Variants in FBXL4 observed in about 807,000 individuals in gnomAD.
The protein encoded by FBXL4 is F-box and leucine rich repeat protein 4.
Under a neutral mutation model 58.9 loss-of-function variants are expected in FBXL4, and 40 were observed. That is an observed-to-expected ratio of 0.68 (90% CI 0.53 to 0.88). The LOEUF (loss-of-function observed/expected upper bound fraction) is 0.88. FBXL4 is among the 40% of genes least tolerant of loss of function. The pLI is 0.00. For synonymous variants in FBXL4, 263 were observed against 265.5 expected, an observed-to-expected ratio of 0.99 and a Z score of 0.09; for missense variants, 676 against 734.4, an observed-to-expected ratio of 0.92 and a Z score of 0.92.
chr6:98,904,051 C>A (rs948130886), intron 6 of FBXL4, among the ~76,000 whole-genome samples: 8 of 152,174 alleles, frequency 5.3e-5, no homozygotes, highest in African/African-American at 1.2e-4. Flanking sequence ...AATTAAAATA[C>A]CCTAATGGTC....
In FBXL4 at chr6:98,868,590, A is replaced by C. The variant is rs1265387016; in HGVS notation, c.*5688T>G. 6.6e-6 allele frequency: 1 copy of C among 152,148 alleles called. No individual in the cohort carries two copies. Among genetic ancestry groups the C allele is most frequent in the Non-Finnish European group, 1.5e-5 (1 of 68,026 alleles). The allele number at this position is 152,148 out of a possible 1,614,324, so 9.4% of individuals were successfully genotyped here. A position where few individuals can be genotyped will look rare whatever the true frequency, so the allele number is the denominator to read the frequency against. Reference sequence around the variant, plus strand: ...CTAAAGTACAGAATACAAACAACAGAAATCATTAGATATTGAACAGCATTT... The same window carrying C: ...CTAAAGTACAGAATACAAACAACAGCAATCATTAGATATTGAACAGCATTT... On this transcript the variant is annotated 3_prime_UTR_variant, in exon 10 of 10. Coordinates refer to ENST00000369244, the MANE Select transcript of FBXL4 (RefSeq NM_001278716.2).
chr6:98,945,016 T>A (rs1263003868), intron 1 of FBXL4, among the ~76,000 whole-genome samples: 4 of 152,202 alleles, frequency 2.6e-5, no homozygotes, highest in Admixed American at 2.0e-4. Context: ...TCCTTGACAA[T>A]TCTTGGCAAT....
At chr6:98,888,921 C>T (rs1771128463) in intron 7 of FBXL4, among the ~76,000 whole-genome samples, 1 of 152,188 alleles carries the variant, frequency 6.6e-6, no homozygotes, top group Non-Finnish European at 1.5e-5. Flanking sequence ...TCAGCAGCTT[C>T]AAAACCCAAT....
At chr6:98,925,211 C>G in intron 4 of FBXL4, among the ~76,000 whole-genome samples, 1 of 152,244 alleles carries the variant, frequency 6.6e-6, no homozygotes, top group African/African-American at 2.4e-5. Context: ...TAACATTTTT[C>G]ACCTATTAAA....
At chr6:98,910,458 A>G (rs1383034472) in intron 5 of FBXL4, among the ~76,000 whole-genome samples, 1 of 151,682 alleles carries the variant, frequency 6.6e-6, no homozygotes, top group Admixed American at 6.5e-5. Context: ...TCGAGACAAT[A>G]CTGGCTAACA....
At chr6:98,911,616 G>C (rs1772074559) in intron 5 of FBXL4, among the ~76,000 whole-genome samples, 1 of 152,208 alleles carries the variant, frequency 6.6e-6, no homozygotes, top group South Asian at 2.1e-4. Flanking sequence ...CTGCAGCTGA[G>C]GGTCCTGTCT....
rs962676565 is a variant in FBXL4, at chr6:98,874,120, C to T, written c.*158G>A. 6 of 523,440 alleles carry T rather than the reference C, an allele frequency of 1.1e-5. No individual in the cohort carries two copies. The highest frequency in any genetic ancestry group is 4.0e-5 in the Admixed American group (1 of 24,974). 32.4% of individuals were successfully genotyped at this position (523,440 alleles called of 1,614,324 possible). A position where few individuals can be genotyped will look rare whatever the true frequency, so the allele number is the denominator to read the frequency against. On this transcript the variant is annotated 3_prime_UTR_variant, in exon 10 of 10. Transcript: ENST00000369244. ...AGTATTTTATGAAAACATTTGTGCACATTTTTACTTGATTTAATGGACAAT... is the reference window on the plus strand; with the variant it reads ...AGTATTTTATGAAAACATTTGTGCATATTTTTACTTGATTTAATGGACAAT...
intron 8 of FBXL4, among the ~76,000 whole-genome samples, chr6:98,877,599 T>A (rs1770703544): frequency 6.6e-6 from 1 of 152,188 alleles, no homozygotes; most frequent in Admixed American, 6.5e-5. Context: ...ATTTTAGATA[T>A]TATGCAGGAC....
chr6:98,932,759 A>G (rs1482125345), intron 2 of FBXL4, among the ~76,000 whole-genome samples: 3 of 152,206 alleles, frequency 2.0e-5, no homozygotes, highest in African/African-American at 4.8e-5. Flanking sequence ...TTAAAACTCA[A>G]AAGAGGATTA....
At chr6:98,945,796 C>G (rs983664943) in intron 1 of FBXL4, among the ~76,000 whole-genome samples, 1 of 152,148 alleles carries the variant, frequency 6.6e-6, no homozygotes, top group East Asian at 1.9e-4. Context: ...ACTACAGTTA[C>G]TATGACACGG....
chr6:98,896,820 A>C (rs1771427022), intron 7 of FBXL4: 3 of 981,422 alleles, frequency 3.1e-6, no homozygotes, highest in Non-Finnish European at 3.6e-6. Flanking sequence ...AGCTTATGCT[A>C]TCTAGACCTA....
At chr6:98,912,699 C>A (rs1772142264) in intron 5 of FBXL4, among the ~76,000 whole-genome samples, 1 of 152,010 alleles carries the variant, frequency 6.6e-6, no homozygotes. Context: ...AAAGGCACAA[C>A]CGGTACCAGC....
At position 98,869,142 on chromosome 6, in the gene FBXL4, A is replaced by C. The variant is rs955068016; in HGVS notation, c.*5136T>G. 6.6e-6 allele frequency: 1 copy of C among 152,236 alleles called. No homozygotes were observed. The highest frequency in any genetic ancestry group is 1.5e-5 in the Non-Finnish European group (1 of 68,042). The allele number at this position is 152,236 out of a possible 1,614,324, so 9.4% of individuals were successfully genotyped here. Reference sequence around the variant, plus strand: ...AAAAGCAAATGAGGTGATGATTGGCAGTTAATGGTCATTGACAAGATTTTA... The same window carrying C: ...AAAAGCAAATGAGGTGATGATTGGCCGTTAATGGTCATTGACAAGATTTTA... On this transcript the variant is annotated 3_prime_UTR_variant, in exon 10 of 10. Transcript: ENST00000369244.
Position 98,905,301 on chromosome 6 carries a change from T to C in FBXL4, c.1103+125A>G, listed in dbSNP as rs1771756927. ...CATTCTAAACATGACACTCAAAATA[T>C]ATTTCCTTTTTATTTTTGTAAGTAC... On this transcript the variant is annotated intron_variant, in intron 6 of 9. Transcript: ENST00000369244. 3.5e-6 allele frequency: 4 copies of C among 1,157,320 alleles called. 1 individual carries two copies. In the South Asian group the frequency reaches 6.3e-5, roughly 18 times the overall value. The allele number at this position is 1,157,320 out of a possible 1,614,324, so 71.7% of individuals were successfully genotyped here.
intron 7 of FBXL4, among the ~76,000 whole-genome samples, chr6:98,881,547 GA>G (rs973486433): frequency 6.6e-6 from 1 of 151,994 alleles, no homozygotes; most frequent in African/African-American, 2.4e-5. Flanking sequence ...TCAGTTGAGG[GA>G]AAGGTGAAGA....
At chr6:98,947,257 A>G (rs1277727579) in intron 1 of FBXL4, among the ~76,000 whole-genome samples, 1 of 152,278 alleles carries the variant, frequency 6.6e-6, no homozygotes, top group South Asian at 2.1e-4. Flanking sequence ...GAGGCCAAGT[A>G]GATGGTCATC....
At chr6:98,932,581 A>G (rs1305437809) in intron 2 of FBXL4, among the ~76,000 whole-genome samples, 1 of 152,328 alleles carries the variant, frequency 6.6e-6, no homozygotes, top group African/African-American at 2.4e-5. Flanking sequence ...TGAGGCGGAG[A>G]GAAGCAGGAT....
intron 5 of FBXL4, 21 bp downstream of exon 5, chr6:98,917,353 T>C: frequency 1.3e-6 from 2 of 1,518,628 alleles, no homozygotes; most frequent in Non-Finnish European, 1.8e-6. Flanking sequence ...CCAATACTGC[T>C]GCTAAATATT....
intron 4 of FBXL4, among the ~76,000 whole-genome samples, chr6:98,923,140 T>C (rs1424788866): frequency 6.6e-6 from 1 of 152,146 alleles, no homozygotes; most frequent in Non-Finnish European, 1.5e-5. Flanking sequence ...AAAGTCTGGC[T>C]GGTGCAGGAG....
Sources: allele counts gnomAD v4.1 joint callset (sites outside exome capture counted in the v4.1 genomes callset), GRCh38; gene constraint gnomAD v4.1.1; transcripts MANE v1.5; gene names NCBI Gene and HGNC (gene_info 2026-07-23, HGNC 2026-07-21).